The following RFX3 variants were observed in gnomAD, a reference collection of about 807,000 sequenced individuals.
RFX3 encodes the protein transcription factor RFX3.
A neutral mutation model predicts 98.6 loss-of-function variants in RFX3; 14 were observed. The observed-to-expected ratio is 0.14, with a 90% CI of 0.09 to 0.22. The LOEUF is 0.22. Ranked by LOEUF, RFX3 falls within the 10% of genes least tolerant of loss-of-function variation. RFX3 has a pLI of 1.00. For synonymous variants in RFX3, 383 were observed against 328.4 expected (o/e 1.17, Z -1.80); for missense variants, 639 against 926.9 (o/e 0.69, Z 4.03).
chr9:3,281,101 C>A (rs1290648121), intron 7 of RFX3, among the ~76,000 whole-genome samples: 2 of 151,422 alleles, frequency 1.3e-5, no homozygotes, highest in East Asian at 3.9e-4. Context: ...TATGGGTAGG[C>A]CACTATAGGC....
chr9:3,262,424 T>C (rs1365373003), intron 13 of RFX3, among the ~76,000 whole-genome samples: 1 of 152,210 alleles, frequency 6.6e-6, no homozygotes, highest in Non-Finnish European at 1.5e-5. Context: ...GAATAAATAT[T>C]TACTAGGCAG....
At chr9:3,310,498 T>G (rs1310765435) in intron 4 of RFX3, among the ~76,000 whole-genome samples, 1 of 152,244 alleles carries the variant, frequency 6.6e-6, no homozygotes, top group Non-Finnish European at 1.5e-5. Context: ...CAACTATCAC[T>G]GTAATTAAAA....
rs374458407 is a variant in RFX3, at chr9:3,238,629, C to G, written c.1968+9403G>C. Among the ~76,000 whole-genome samples, 405 of 152,290 alleles carry G rather than the reference C, an allele frequency of 2.7e-3. 2 individuals carry two copies. The highest frequency in any genetic ancestry group is 9.2e-3 in the African/African-American group (381 of 41,564). ...TTTGGAACTTCCTGACTCAATGCTT[C>G]TCTTTTCAGCATTCCATACTTAACT... On this transcript the variant is annotated intron_variant, in intron 15 of 16. Transcript: ENST00000617270.
chr9:3,359,228 G>A (rs559534586), intron 2 of RFX3, among the ~76,000 whole-genome samples: 1 of 152,056 alleles, frequency 6.6e-6, no homozygotes, highest in South Asian at 2.1e-4. Flanking sequence ...AATGAAAAGA[G>A]GAACCAAAAA....
chr9:3,441,604 G>A (rs963719345), intron 1 of RFX3, among the ~76,000 whole-genome samples: 1 of 152,102 alleles, frequency 6.6e-6, no homozygotes, highest in African/African-American at 2.4e-5. Context: ...AGGAGACACA[G>A]GAGCCAACCT....
chr9:3,300,098 T>G (rs562688015), intron 5 of RFX3, among the ~76,000 whole-genome samples: 1 of 151,154 alleles, frequency 6.6e-6, no homozygotes, highest in African/African-American at 2.4e-5. Context: ...AAGTTAATCA[T>G]CACCCCCCGG....
intron 15 of RFX3, among the ~76,000 whole-genome samples, chr9:3,231,599 T>C (rs1276190487): frequency 6.6e-6 from 1 of 151,988 alleles, no homozygotes; most frequent in African/African-American, 2.4e-5. Context: ...TTTAGAAGTA[T>C]AGGGTTCAAG....
At chr9:3,421,094 C>T (rs1025845600) in intron 1 of RFX3, among the ~76,000 whole-genome samples, 1 of 151,698 alleles carries the variant, frequency 6.6e-6, no homozygotes, top group Non-Finnish European at 1.5e-5. Context: ...TGACTTGTCC[C>T]CTGCAGGATG....
intron 1 of RFX3, among the ~76,000 whole-genome samples, chr9:3,414,351 T>C (rs1427801339): frequency 2.6e-5 from 4 of 151,998 alleles, no homozygotes. Context: ...AAGAGTAAAG[T>C]CATTATCTTG....
At chr9:3,502,727 C>G (rs1816166565) in intron 1 of RFX3, among the ~76,000 whole-genome samples, 1 of 152,070 alleles carries the variant, frequency 6.6e-6, no homozygotes, top group African/African-American at 2.4e-5. Context: ...CTTCCATCCA[C>G]AGGGTAGATA....
chr9:3,418,286 T>A (rs528423732), intron 1 of RFX3, among the ~76,000 whole-genome samples: 1 of 152,360 alleles, frequency 6.6e-6, no homozygotes, highest in South Asian at 2.1e-4. Flanking sequence ...TACTGCTTTC[T>A]GTGGGCTTAC....
At chr9:3,358,940 C>A (rs1185772691) in intron 2 of RFX3, among the ~76,000 whole-genome samples, 5 of 151,948 alleles carry the variant, frequency 3.3e-5, no homozygotes, top group East Asian at 1.9e-4. Context: ...ATGGGGGAAA[C>A]TGCTCCCATG....
At chr9:3,296,858 T>C (rs887151886) in intron 5 of RFX3, among the ~76,000 whole-genome samples, 1 of 152,076 alleles carries the variant, frequency 6.6e-6, no homozygotes, top group South Asian at 2.1e-4. Context: ...ATTCACTGTA[T>C]TAACAGAAAT....
intron 9 of RFX3, 106 bp from the exon 10 acceptor site, chr9:3,271,224 G>T (rs1824387557): frequency 3.4e-6 from 3 of 884,414 alleles, no homozygotes; most frequent in Non-Finnish European, 3.5e-6. Context: ...CTCCCTTGGG[G>T]TCATAAGTTA....
intron 1 of RFX3, among the ~76,000 whole-genome samples, chr9:3,415,306 T>A (rs1842893535): frequency 6.6e-6 from 1 of 150,786 alleles, no homozygotes; most frequent in African/African-American, 2.4e-5. Flanking sequence ...CCTCTAACTC[T>A]TGGGCTCAAG....
chr9:3,292,676 C>T (rs1827537710), intron 6 of RFX3, among the ~76,000 whole-genome samples: 1 of 152,144 alleles, frequency 6.6e-6, no homozygotes, highest in South Asian at 2.1e-4. Flanking sequence ...ACATAGTTTT[C>T]CATTTACTAT....
chr9:3,289,458 G>A (rs1322317173), intron 6 of RFX3, among the ~76,000 whole-genome samples: 1 of 152,048 alleles, frequency 6.6e-6, no homozygotes, highest in Non-Finnish European at 1.5e-5. Context: ...CTGCAGAATG[G>A]TGCAATAAGC....
At chr9:3,362,230 A>C (rs1836545971) in intron 2 of RFX3, among the ~76,000 whole-genome samples, 1 of 152,228 alleles carries the variant, frequency 6.6e-6, no homozygotes, top group Non-Finnish European at 1.5e-5. Flanking sequence ...GTTAATTACA[A>C]AGTTGCTGTG....
intron 3 of RFX3, among the ~76,000 whole-genome samples, chr9:3,333,488 A>G (rs1222294975): frequency 6.7e-6 from 1 of 148,702 alleles, no homozygotes; most frequent in Non-Finnish European, 1.5e-5. Context: ...TACACGTACC[A>G]TTCTTCTCAT....
Sources: allele counts gnomAD v4.1 joint callset (sites outside exome capture counted in the v4.1 genomes callset), GRCh38; gene constraint gnomAD v4.1.1; transcripts MANE v1.5; gene names NCBI Gene and HGNC (gene_info 2026-07-23, HGNC 2026-07-21).